MTX2: variants seen among roughly 807,000 people sequenced by gnomAD.
MTX2 encodes the protein metaxin 2, also known as metaxin-2.
In MTX2, 35 loss-of-function variants were observed where a neutral mutation model predicts 42.3. The ratio of observed to expected loss-of-function variants is 0.83; its 90% CI spans 0.63 to 1.10. MTX2 has a LOEUF of 1.10. MTX2 is among the 50% of genes least tolerant of loss of function. The probability of loss-of-function intolerance (pLI) is 0.00; values close to 1 mark genes in which losing one functional copy is unlikely to be tolerated. For synonymous variants in MTX2, 119 were observed against 100.9 expected, an observed-to-expected ratio of 1.18 and a Z score of -1.08; for missense variants, 307 against 304.1, an observed-to-expected ratio of 1.01 and a Z score of -0.07.
rs547240172 is a variant in MTX2 at position 176,288,421 on chromosome 2, C to T, written c.41-8439C>T. 7.9e-5 allele frequency among the ~76,000 whole-genome samples: 12 copies of T among 152,008 alleles called. No individual in the cohort carries two copies. The South Asian group carries it at 2.5e-3, about 32-fold the overall frequency. On this transcript the variant is annotated intron_variant, in intron 1 of 9. Coordinates refer to ENST00000249442, the MANE Select transcript of MTX2 (RefSeq NM_006554.5). ...TTTGTGTGTCTTGCAGTAACTTGTC[C>T]ATGTTTAAGAGCTGCCGAATGCTCT...
chr2:176,285,418 C>CTTTTTT (rs61139522), intron 1 of MTX2, among the ~76,000 whole-genome samples: 1 of 130,788 alleles, frequency 7.6e-6, no homozygotes, highest in East Asian at 2.2e-4. Flanking sequence ...TTGCCACAAT[C>CTTTTTT]TTTTTTTTTT....
At chr2:176,308,549 A>C (rs1446148726) in intron 3 of MTX2, among the ~76,000 whole-genome samples, 1 of 152,134 alleles carries the variant, frequency 6.6e-6, no homozygotes, top group African/African-American at 2.4e-5. Flanking sequence ...TACGCTATTA[A>C]TTATTGCCTC....
chr2:176,316,799 T>G (rs1427629064), intron 3 of MTX2, among the ~76,000 whole-genome samples: 1 of 152,182 alleles, frequency 6.6e-6, no homozygotes, highest in African/African-American at 2.4e-5. Flanking sequence ...AAACTATTGA[T>G]TATTTTGCTG....
rs566671492 is a variant in MTX2 at position 176,327,033 on chromosome 2, G to A, written c.285+132G>A. ...ATGCAAACTACTGGAAAATATTTCT[G>A]AAGTGTAAGTTAGTATTTTTTCATG... On this transcript the variant is annotated intron_variant, in intron 5 of 9. Coordinates refer to ENST00000249442, the MANE Select transcript of MTX2 (RefSeq NM_006554.5). The A allele has an allele frequency of 3.4e-5, 17 of 497,530 alleles. No homozygotes were observed. The African/African-American group carries it at 3.5e-4, about 10-fold the overall frequency. 30.8% of individuals were successfully genotyped at this position (497,530 alleles called of 1,614,324 possible). A position where few individuals can be genotyped will look rare whatever the true frequency, so the allele number is the denominator to read the frequency against.
intron 3 of MTX2, among the ~76,000 whole-genome samples, chr2:176,305,585 G>A (rs1463341330): frequency 2.0e-5 from 3 of 152,030 alleles, no homozygotes; most frequent in South Asian, 4.1e-4. Flanking sequence ...GCTTTTATCC[G>A]TTCATTTATT....
chr2:176,294,867 G>T (rs1401356801), intron 1 of MTX2, among the ~76,000 whole-genome samples: 1 of 152,064 alleles, frequency 6.6e-6, no homozygotes, highest in African/African-American at 2.4e-5. Context: ...CAATACTTTT[G>T]CACCAACCTA....
intron 3 of MTX2, among the ~76,000 whole-genome samples, chr2:176,309,164 A>T (rs1435219627): frequency 6.6e-6 from 1 of 152,218 alleles, no homozygotes; most frequent in Non-Finnish European, 1.5e-5. Context: ...GTAGTCATTC[A>T]GAAGCAGGTT....
intron 1 of MTX2, among the ~76,000 whole-genome samples, chr2:176,289,062 A>G (rs562179016): frequency 1.5e-3 from 231 of 152,210 alleles, no homozygotes; most frequent in African/African-American, 5.1e-3. Context: ...ATGTGAATTT[A>G]TTGGTTAGCA....
At chr2:176,287,611 T>A (rs568298212) in intron 1 of MTX2, among the ~76,000 whole-genome samples, 1 of 152,282 alleles carries the variant, frequency 6.6e-6, no homozygotes, top group East Asian at 1.9e-4. Context: ...ATAATGGATA[T>A]ACAGTAGACT....
chr2:176,318,691 G>GT (rs1684503586), intron 3 of MTX2, among the ~76,000 whole-genome samples: 1 of 152,140 alleles, frequency 6.6e-6, no homozygotes, highest in Non-Finnish European at 1.5e-5. Context: ...TATTATGCAG[G>GT]TTTTTAAAAA....
At chr2:176,328,639 T>G (rs1322432137) in intron 6 of MTX2, among the ~76,000 whole-genome samples, 1 of 151,270 alleles carries the variant, frequency 6.6e-6, no homozygotes, top group African/African-American at 2.4e-5. Flanking sequence ...TGAAATTTGC[T>G]TAAATAATAT....
At chr2:176,325,143 A>T (rs1169365387) in intron 4 of MTX2, among the ~76,000 whole-genome samples, 1 of 151,734 alleles carries the variant, frequency 6.6e-6, no homozygotes, top group Non-Finnish European at 1.5e-5. Flanking sequence ...ATTAGATGAC[A>T]TCCAAGGTCC....
chr2:176,277,630 G>A (rs1237719281), intron 1 of MTX2, among the ~76,000 whole-genome samples: 2 of 152,142 alleles, frequency 1.3e-5, no homozygotes, highest in East Asian at 1.9e-4. Context: ...TCGAACTCCC[G>A]ACCTCAGGTG....
At position 176,327,560 on chromosome 2, in the gene MTX2, A is replaced by AAT. The variant is rs550059324; in HGVS notation, c.285+672_285+673dup. On this transcript the variant is annotated intron_variant, in intron 5 of 9. Coordinates refer to ENST00000249442, the MANE Select transcript of MTX2 (RefSeq NM_006554.5). ...ATTGGAGATATATATATATCTCCAAAATATATATATATATTATTTTTTTTT... is the reference window on the plus strand; with the variant it reads ...ATTGGAGATATATATATATCTCCAAAATATATATATATATATTATTTTTTTTT... 2.9e-3 allele frequency among the ~76,000 whole-genome samples: 420 copies of AAT among 144,438 alleles called. 3 individuals carry two copies. Among genetic ancestry groups the AAT allele is most frequent in the African/African-American group, 9.1e-3 (372 of 40,792 alleles). The allele number at this position is 144,438 out of a possible 152,430, so 94.8% of individuals were successfully genotyped here. A position where few individuals can be genotyped will look rare whatever the true frequency, so the allele number is the denominator to read the frequency against.
intron 3 of MTX2, among the ~76,000 whole-genome samples, chr2:176,300,538 C>T (rs892295496): frequency 2.7e-4 from 41 of 152,170 alleles, no homozygotes; most frequent in Middle Eastern, 3.4e-3. Context: ...CCACTAGTCT[C>T]GTGTAGCTAG....
rs1685002243 is a variant in MTX2, at chr2:176,336,973, T to G, written c.621-520T>G. ...AAATGGCATAATTGCTTACGTAAAC[T>G]TAATGTATTGAGAAAGAAAGAAAAA... On this transcript the variant is annotated intron_variant, in intron 9 of 9. Transcript: ENST00000249442. 2.0e-5 allele frequency among the ~76,000 whole-genome samples: 3 copies of G among 152,282 alleles called. No individual in the cohort carries two copies. In the South Asian group the frequency reaches 6.2e-4, roughly 32 times the overall value.
At chr2:176,278,716 T>TTGATAAGCAGTTATCA (rs1367736230) in intron 1 of MTX2, among the ~76,000 whole-genome samples, 18 of 152,208 alleles carry the variant, frequency 1.2e-4, no homozygotes, top group African/African-American at 4.3e-4. Flanking sequence ...TCAGATGGAC[T>TTGATAAGCAGTTATCA]GAAGATATCA....
chr2:176,301,868 CAA>C (rs1275879079), intron 3 of MTX2, among the ~76,000 whole-genome samples: 1 of 151,868 alleles, frequency 6.6e-6, no homozygotes, highest in Non-Finnish European at 1.5e-5. Context: ...TTATGAAGCT[CAA>C]GTTAGGTAAT....
chr2:176,321,563 C>T (rs1460938385), intron 3 of MTX2, among the ~76,000 whole-genome samples: 1 of 152,128 alleles, frequency 6.6e-6, no homozygotes, highest in Non-Finnish European at 1.5e-5. Context: ...ACCTGGGCCC[C>T]TTTACTCTTG....
Sources: gnomAD v4.1 joint callset for allele counts (sites outside exome capture counted in the v4.1 genomes callset) on GRCh38, gnomAD v4.1.1 for gene constraint, MANE v1.5 for transcripts, NCBI Gene and HGNC (gene_info 2026-07-23, HGNC 2026-07-21) for gene names.